The following SPOPL variants were observed in gnomAD, a reference collection of about 807,000 sequenced individuals.
SPOPL encodes the protein speckle-type POZ protein-like.
In SPOPL, 23 loss-of-function variants were observed where a neutral mutation model predicts 53.8. The observed-to-expected ratio is 0.43, with a 90% CI of 0.31 to 0.61. SPOPL has a LOEUF of 0.61. SPOPL is among the 20% of genes least tolerant of loss of function. The pLI is 0.12. For synonymous variants in SPOPL, 164 were observed against 149.7 expected (o/e 1.10, Z -0.70); for missense variants, 442 against 466.9 (o/e 0.95, Z 0.49).
At chr2:138,542,681 C>T (rs1461554361) in intron 1 of SPOPL, among the ~76,000 whole-genome samples, 1 of 152,166 alleles carries the variant, frequency 6.6e-6, no homozygotes, top group African/African-American at 2.4e-5. Flanking sequence ...GGTCTTGACT[C>T]TTTATCCAGT....
At chr2:138,534,880 A>T (rs1322319027) in intron 1 of SPOPL, among the ~76,000 whole-genome samples, 1 of 152,196 alleles carries the variant, frequency 6.6e-6, no homozygotes, top group Non-Finnish European at 1.5e-5. Context: ...ATCTTCTTTC[A>T]CTTAGCATAA....
In SPOPL at chr2:138,560,794, T is replaced by G; in HGVS notation, c.715-11T>G. On this transcript the variant is annotated splice_polypyrimidine_tract_variant and intron_variant, in intron 7 of 10. Transcript: ENST00000280098. ...TTTTTTTAACATTTTTGTGTTGTTTTTCGATATCAGAATCGAGTGGAAATA... is the reference window on the plus strand; with the variant it reads ...TTTTTTTAACATTTTTGTGTTGTTTGTCGATATCAGAATCGAGTGGAAATA... The G allele has an allele frequency of 5.7e-6, 9 of 1,573,400 alleles. No homozygotes were observed. The highest frequency in any genetic ancestry group is 7.7e-6 in the Non-Finnish European group (9 of 1,168,276).
intron 1 of SPOPL, among the ~76,000 whole-genome samples, chr2:138,539,011 G>C (rs1160293412): frequency 6.6e-6 from 1 of 151,866 alleles, no homozygotes; most frequent in Non-Finnish European, 1.5e-5. Flanking sequence ...TTGGTTTTTT[G>C]TCCTTGCGAT....
intron 1 of SPOPL, among the ~76,000 whole-genome samples, chr2:138,510,094 G>A (rs1402132094): frequency 6.6e-6 from 1 of 152,004 alleles, no homozygotes; most frequent in Non-Finnish European, 1.5e-5. Context: ...TTTGTTATCT[G>A]GATGTACCAC....
chr2:138,538,896 C>T (rs1684998050), intron 1 of SPOPL, among the ~76,000 whole-genome samples: 1 of 152,172 alleles, frequency 6.6e-6, no homozygotes, highest in Non-Finnish European at 1.5e-5. Context: ...TATCCCTCCC[C>T]ACTCTCCCCA....
At position 138,564,783 on chromosome 2, in the gene SPOPL, AC is replaced by A. The variant is rs1685624170; in HGVS notation, c.916del (p.Val307SerfsTer11). 6.8e-6 allele frequency: 11 copies of A among 1,614,166 alleles called. No homozygotes were observed. The highest frequency in any genetic ancestry group is 9.3e-6 in the Non-Finnish European group (11 of 1,180,022). On this transcript the variant is annotated frameshift_variant, in exon 9 of 11. Coordinates refer to ENST00000280098, the MANE Select transcript of SPOPL (RefSeq NM_001001664.3). LOFTEE classifies it high-confidence loss of function. ...CCTCTCAGTAGAGAATGTTGCAGAT[AC>A]CCTTGTCCTTGCAGATTTGCACAGT... is the stretch of plus-strand genomic sequence containing the variant. The part of the protein sequence containing the change: ...SNLSVENVAD[T>X]LVLADLHSAE...
intron 1 of SPOPL, among the ~76,000 whole-genome samples, chr2:138,538,622 A>T (rs942143632): frequency 1.6e-4 from 25 of 152,092 alleles, no homozygotes; most frequent in African/African-American, 5.8e-4. Flanking sequence ...GTCTTTTCAC[A>T]TTGCCTATCT....
intron 5 of SPOPL, 71 bp downstream of exon 5, chr2:138,552,752 A>G (rs996720906): frequency 1.8e-5 from 27 of 1,480,938 alleles, no homozygotes; most frequent in African/African-American, 4.3e-5. Flanking sequence ...AACTGGATTA[A>G]TAACACTTTA....
rs1018092471 is a variant in SPOPL, at chr2:138,573,151, A to G, written c.*4071A>G. 6.6e-6 allele frequency: 1 copy of G among 152,138 alleles called. No individual in the cohort carries two copies. Among genetic ancestry groups the G allele is most frequent in the Non-Finnish European group, 1.5e-5 (1 of 68,010 alleles). The allele number at this position is 152,138 out of a possible 1,614,324, so 9.4% of individuals were successfully genotyped here. On this transcript the variant is annotated 3_prime_UTR_variant, in exon 11 of 11. Transcript: ENST00000280098. ...GCTGATGTTAATGATAAGATACATA[A>G]TACATGTATCTTGTTGCTGAAAATA...
chr2:138,558,575 G>A (rs1044246886), intron 5 of SPOPL, among the ~76,000 whole-genome samples: 2 of 151,746 alleles, frequency 1.3e-5, no homozygotes, highest in Middle Eastern at 3.7e-3. Context: ...CTTTTTATAC[G>A]GTAAAAAGTC....
chr2:138,559,051 A>G lies in SPOPL; in HGVS notation c.510A>G (p.Ile170Met). ...EVSVVQDSVN[I>M]SGHTNTNTLK... ...GTGTGGTCCAAGATTCAGTAAACAT[A>G]TCAGGACATACTAATACAAATACTT... The change falls in exon 6 of 11, where the codon ATA becomes ATG. Residue 170 changes from isoleucine (I) to methionine (M), a missense_variant. Physicochemically the swap from Ile to Met is conservative, Grantham distance 10. Transcript: ENST00000280098. 1 of 1,611,084 alleles carries G rather than the reference A, an allele frequency of 6.2e-7. No individual in the cohort carries two copies. Among genetic ancestry groups the G allele is most frequent in the East Asian group, 2.2e-5 (1 of 44,790 alleles).
intron 1 of SPOPL, among the ~76,000 whole-genome samples, chr2:138,533,127 C>T (rs1684848203): frequency 6.6e-6 from 1 of 152,092 alleles, no homozygotes; most frequent in Non-Finnish European, 1.5e-5. Context: ...TCCTATTATC[C>T]ACTCAGCAAC....
At position 138,560,919 on chromosome 2, in the gene SPOPL, G is replaced by T; in HGVS notation, c.829G>T (p.Ala277Ser). The change falls in exon 8 of 11, where the codon GCA (alanine) becomes TCA (serine). Residue 277 changes from alanine to serine, a missense_variant. By Grantham distance (99) the Ala-to-Ser change is moderately conservative. Transcript: ENST00000280098. ...DKMADNLLAA[A>S]DKYALERLKV... is the part of the protein sequence containing the mutation. ...AATGGCTGACAACTTGTTGGCAGCT[G>T]CAGACAAAGTAAGTAATTAGGTCTT... 2 of 1,608,798 alleles carry T rather than the reference G, an allele frequency of 1.2e-6. No individual in the cohort carries two copies. Among genetic ancestry groups the T allele is most frequent in the Non-Finnish European group, 1.7e-6 (2 of 1,178,638 alleles).
rs1685293033 is a variant in SPOPL at position 138,550,610 on chromosome 2, A to G, written c.200+6A>G. 1.6e-5 allele frequency: 26 copies of G among 1,586,172 alleles called. No homozygotes were observed. Among genetic ancestry groups the G allele is most frequent in the African/African-American group, 2.7e-5 (2 of 73,352 alleles). On this transcript the variant is annotated splice_donor_region_variant and intron_variant, in intron 3 of 10. Transcript: ENST00000280098. ...CCAAGTGACAAAATGAAATGGTAAG[A>G]TTTTTGTTTGCTTTGAATTTTTGTT... is the stretch of plus-strand genomic sequence containing the variant.
intron 1 of SPOPL, among the ~76,000 whole-genome samples, chr2:138,525,012 A>G (rs1374053403): frequency 6.6e-6 from 1 of 152,148 alleles, no homozygotes; most frequent in South Asian, 2.1e-4. Flanking sequence ...ATTTTTGGGT[A>G]TCTTTTCAGC....
intron 1 of SPOPL, among the ~76,000 whole-genome samples, chr2:138,504,628 A>G (rs1684174965): frequency 6.6e-6 from 1 of 152,190 alleles, no homozygotes; most frequent in Admixed American, 6.5e-5. Flanking sequence ...GCCCTTCTCA[A>G]CCATGTTTCT....
intron 1 of SPOPL, among the ~76,000 whole-genome samples, chr2:138,539,307 T>C (rs1685009359): frequency 6.6e-6 from 1 of 152,188 alleles, no homozygotes; most frequent in Non-Finnish European, 1.5e-5. Context: ...TAGTTCAAGA[T>C]CCCTAAGGAA....
At chr2:138,538,163 A>G (rs1383422988) in intron 1 of SPOPL, among the ~76,000 whole-genome samples, 1 of 152,128 alleles carries the variant, frequency 6.6e-6, no homozygotes, top group African/African-American at 2.4e-5. Context: ...AGAACATTCC[A>G]TATGCACTTG....
At chr2:138,561,371 T>C (rs1685545214) in intron 8 of SPOPL, among the ~76,000 whole-genome samples, 2 of 152,164 alleles carry the variant, frequency 1.3e-5, no homozygotes, top group Admixed American at 1.3e-4. Context: ...TTAATAATTT[T>C]ATAATACTTT....
Sources: allele counts gnomAD v4.1 joint callset (sites outside exome capture counted in the v4.1 genomes callset), GRCh38; gene constraint gnomAD v4.1.1; transcripts MANE v1.5; gene names NCBI Gene and HGNC (gene_info 2026-07-23, HGNC 2026-07-21).